SLCO1B1: variants seen among roughly 807,000 people sequenced by gnomAD.
SLCO1B1 encodes OATP-2.
SLCO1B1 carries 81 observed loss-of-function variants against 70.1 expected under a neutral mutation model. That is an observed-to-expected ratio of 1.16 (90% CI 0.97 to 1.39). SLCO1B1 has a LOEUF of 1.39. Ranked by LOEUF, SLCO1B1 falls within the 40% of genes most tolerant of loss-of-function variation. The pLI is 0.00. For synonymous variants in SLCO1B1, 283 were observed against 271.5 expected, an observed-to-expected ratio of 1.04 and a Z score of -0.42; for missense variants, 895 against 799.6, an observed-to-expected ratio of 1.12 and a Z score of -1.44.
chr12:21,179,910 C>T (rs571049207), intron 7 of SLCO1B1, among the ~76,000 whole-genome samples: 86 of 152,024 alleles, frequency 5.7e-4, no homozygotes, highest in Non-Finnish European at 9.1e-4. Context: ...CTCTTTAGAA[C>T]CAAGCACCTA....
At chr12:21,207,967 T>C (rs1941233308) in intron 11 of SLCO1B1, among the ~76,000 whole-genome samples, 1 of 152,106 alleles carries the variant, frequency 6.6e-6, no homozygotes, top group African/African-American at 2.4e-5. Flanking sequence ...GTTCATGTCC[T>C]TTGTCTACTT....
In SLCO1B1 at chr12:21,141,564, A is replaced by G. The variant is rs757881841; in HGVS notation, c.-11A>G. 43 of 1,570,544 alleles carry G rather than the reference A, an allele frequency of 2.7e-5. No homozygotes were observed. Among genetic ancestry groups the G allele is most frequent in the Middle Eastern group, 1.7e-4 (1 of 5,938 alleles). On this transcript the variant is annotated 5_prime_UTR_variant, in exon 2 of 15. Transcript: ENST00000256958. ...CAACAAAAACATTTGTATGATATCT[A>G]TATTTCAATCATGGACCAAAATCAA...
intron 1 of SLCO1B1, among the ~76,000 whole-genome samples, chr12:21,141,213 A>G (rs973169746): frequency 6.6e-6 from 1 of 151,990 alleles, no homozygotes; most frequent in Admixed American, 6.6e-5. Flanking sequence ...ATAATAATTT[A>G]AATTTCTATA....
intron 2 of SLCO1B1, among the ~76,000 whole-genome samples, chr12:21,152,703 C>T (rs137896817): frequency 2.6e-4 from 39 of 151,790 alleles, no homozygotes; most frequent in Non-Finnish European, 5.2e-4. Context: ...CCTTTCCCTT[C>T]GGTCAGTTAG....
At chr12:21,225,933 A>G (rs1379382467) in intron 14 of SLCO1B1, among the ~76,000 whole-genome samples, 1 of 152,236 alleles carries the variant, frequency 6.6e-6, no homozygotes, top group African/African-American at 2.4e-5. Flanking sequence ...TGACCCCACA[A>G]AAACCTGCAC....
intron 1 of SLCO1B1, among the ~76,000 whole-genome samples, chr12:21,133,868 T>C (rs1170258219): frequency 6.6e-6 from 1 of 152,182 alleles, no homozygotes; most frequent in Non-Finnish European, 1.5e-5. Flanking sequence ...TCCAACATTA[T>C]GTTGAATAGG....
Position 21,239,387 on chromosome 12 carries a change from A to G in SLCO1B1, c.*198A>G. On this transcript the variant is annotated 3_prime_UTR_variant, in exon 15 of 15. Coordinates refer to ENST00000256958, the MANE Select transcript of SLCO1B1 (RefSeq NM_006446.5). The stretch of plus-strand genomic sequence containing the variant: ...AAATGAGAGTACTCATTGTTACATT[A>G]TAGCTACATATTTGTGGTTAAGGTT... The G allele has an allele frequency of 1.8e-6, 1 of 540,980 alleles. No homozygotes were observed. The highest frequency in any genetic ancestry group is 3.3e-6 in the Non-Finnish European group (1 of 299,534). 33.5% of individuals were successfully genotyped at this position (540,980 alleles called of 1,614,324 possible). A position where few individuals can be genotyped will look rare whatever the true frequency, so the allele number is the denominator to read the frequency against.
chr12:21,184,726 A>G (rs1405032263), intron 7 of SLCO1B1, among the ~76,000 whole-genome samples: 2 of 152,154 alleles, frequency 1.3e-5, no homozygotes, highest in Non-Finnish European at 1.5e-5. Flanking sequence ...ACAACCAGCT[A>G]ACAACATGAT....
chr12:21,191,636 G>T (rs11045841), intron 7 of SLCO1B1, among the ~76,000 whole-genome samples: 1 of 151,948 alleles, frequency 6.6e-6, no homozygotes, highest in African/African-American at 2.4e-5. Context: ...TCTTTTTCTT[G>T]GTTAATTGCT....
intron 14 of SLCO1B1, 85 bp from the exon 15 acceptor site, chr12:21,238,894 T>C (rs1422144797): frequency 1.3e-6 from 1 of 753,744 alleles, no homozygotes; most frequent in African/African-American, 1.8e-5. Context: ...TTTTTTTCTT[T>C]AGGATCTGGA....
intron 8 of SLCO1B1, among the ~76,000 whole-genome samples, chr12:21,199,722 AT>A (rs1327591972): frequency 6.6e-6 from 1 of 152,050 alleles, no homozygotes; most frequent in African/African-American, 2.4e-5. Context: ...TACTTATATC[AT>A]TAAGTACTAA....
chr12:21,179,666 T>A (rs1161598429), intron 7 of SLCO1B1, among the ~76,000 whole-genome samples: 1 of 152,146 alleles, frequency 6.6e-6, no homozygotes. Flanking sequence ...CTAAAAATAT[T>A]CTTGCACCAT....
At chr12:21,133,532 T>C (rs567259725) in intron 1 of SLCO1B1, among the ~76,000 whole-genome samples, 1 of 152,154 alleles carries the variant, frequency 6.6e-6, no homozygotes, top group African/African-American at 2.4e-5. Context: ...TAGTTCTCCT[T>C]GAAGAGGTCC....
chr12:21,149,846 GACAGAACCCTTC>G (rs1431940462), intron 2 of SLCO1B1, among the ~76,000 whole-genome samples: 1 of 152,052 alleles, frequency 6.6e-6, no homozygotes, highest in Non-Finnish European at 1.5e-5. Flanking sequence ...ACACCAGCAA[GACAGAACCCTTC>G]ACTCCCCTGG....
At chr12:21,165,729 T>G (rs1940675743) in intron 2 of SLCO1B1, among the ~76,000 whole-genome samples, 1 of 152,094 alleles carries the variant, frequency 6.6e-6, no homozygotes, top group African/African-American at 2.4e-5. Context: ...TAGATTTTTT[T>G]CCTCCATGTG....
At chr12:21,205,606 C>A (rs995803928) in intron 10 of SLCO1B1, among the ~76,000 whole-genome samples, 1 of 148,818 alleles carries the variant, frequency 6.7e-6, no homozygotes, top group Non-Finnish European at 1.5e-5. Context: ...TACTTAACAT[C>A]TTTGGTTTAT....
chr12:21,211,274 T>G (rs1941280888), intron 11 of SLCO1B1, among the ~76,000 whole-genome samples: 1 of 152,208 alleles, frequency 6.6e-6, no homozygotes, highest in Non-Finnish European at 1.5e-5. Flanking sequence ...GCATGAAGTG[T>G]TGTTGCATTT....
chr12:21,188,371 T>A (rs1390992343), intron 7 of SLCO1B1, among the ~76,000 whole-genome samples: 3 of 152,140 alleles, frequency 2.0e-5, no homozygotes, highest in African/African-American at 7.2e-5. Context: ...TCCCTGTGAT[T>A]TTCTTTATAA....
At chr12:21,217,870 A>C (rs1179417230) in intron 12 of SLCO1B1, among the ~76,000 whole-genome samples, 2 of 152,192 alleles carry the variant, frequency 1.3e-5, no homozygotes, top group Non-Finnish European at 2.9e-5. Context: ...GGTAAATGAA[A>C]CCAATAAGAT....
Sources: allele counts gnomAD v4.1 joint callset (sites outside exome capture counted in the v4.1 genomes callset), GRCh38; gene constraint gnomAD v4.1.1; transcripts MANE v1.5; gene names NCBI Gene and HGNC (gene_info 2026-07-23, HGNC 2026-07-21).